The following XXYLT1 variants were observed in gnomAD, a reference collection of about 807,000 sequenced individuals.
XXYLT1 encodes UDP-xylose:alpha-xyloside alpha-1,3-xylosyltransferase.
Under a neutral mutation model 28.9 loss-of-function variants are expected in XXYLT1, and 20 were observed. That is an observed-to-expected ratio of 0.69 (90% confidence interval 0.49 to 1.00). The LOEUF (loss-of-function observed/expected upper bound fraction) is 1.00. Among genes scored for constraint, XXYLT1 ranks in the 50% least tolerant of loss-of-function variants. The pLI, the probability that XXYLT1 is intolerant of heterozygous loss-of-function variation, is 0.00. For missense variants in XXYLT1, 542 were observed against 560.1 expected, an observed-to-expected ratio of 0.97 and a Z score of 0.33; for synonymous variants, 257 against 253.8, an observed-to-expected ratio of 1.01 and a Z score of -0.12.
intron 3 of XXYLT1, among the ~76,000 whole-genome samples, chr3:195,107,077 C>T (rs1270442245): frequency 2.0e-5 from 3 of 152,172 alleles, no homozygotes; most frequent in African/African-American, 7.2e-5. Flanking sequence ...TGCCCTTTGC[C>T]TGGTGGAATG....
chr3:195,168,100 G>A lies in XXYLT1; in HGVS notation c.653-11519C>T, dbSNP rs73063110. ...TTTTAGGCAAGCGTGAGTAGGTAGG[G>A]CCCTGGGATAGAGCCGTGGCTCACC... is the stretch of plus-strand genomic sequence containing the variant. On this transcript the variant is annotated intron_variant, in intron 2 of 3. Coordinates refer to ENST00000310380, the MANE Select transcript of XXYLT1 (RefSeq NM_152531.5). The surrounding 1 kb of genome is among the most constrained non-coding windows in gnomAD (Gnocchi z 4.3). Among the ~76,000 whole-genome samples, 6,308 of 152,216 alleles carry A rather than the reference G, an allele frequency of 0.041. 445 individuals carry two copies. The highest frequency in any genetic ancestry group is 0.14 in the African/African-American group (5,997 of 41,498).
intron 1 of XXYLT1, among the ~76,000 whole-genome samples, chr3:195,248,627 T>C (rs886632550): frequency 1.3e-5 from 2 of 152,172 alleles, no homozygotes; most frequent in African/African-American, 2.4e-5. Flanking sequence ...TAAAATGCCC[T>C]TTTTCCTTGG....
Position 195,202,889 on chromosome 3 carries a change from AT to A in XXYLT1, c.652+23819del, listed in dbSNP as rs537359258. Among the ~76,000 whole-genome samples, 91 of 152,268 alleles carry A rather than the reference AT, an allele frequency of 6.0e-4. 1 individual carries two copies. In the South Asian group the frequency reaches 0.016, roughly 26 times the overall value. ...TTCACAATGTAGAAATCACAAGATA[AT>A]TTTTTTTAATAATCTTGGAATGAAG... is the stretch of plus-strand genomic sequence containing the variant. On this transcript the variant is annotated intron_variant, in intron 2 of 3. Transcript: ENST00000310380.
chr3:195,226,830 C>T lies in XXYLT1; in HGVS notation c.531G>A (p.Leu177=). The part of the protein sequence containing the change: ...CKVIFHDVAV[L]TDKLFPIVEA... ...CCACGATGGGGAAGAGCTTATCCGT[C>T]AGCACAGCAACATCGTGGAAGATGA... Residue 177 remains leucine, a synonymous_variant, in exon 2 of 4, where the codon CTG becomes CTA. Coordinates refer to ENST00000310380, the MANE Select transcript of XXYLT1 (RefSeq NM_152531.5). 6.2e-7 allele frequency: 1 copy of T among 1,613,738 alleles called. No homozygotes were observed. Among genetic ancestry groups the T allele is most frequent in the South Asian group, 1.1e-5 (1 of 91,054 alleles).
At chr3:195,170,872 G>A (rs143637782) in intron 2 of XXYLT1, among the ~76,000 whole-genome samples, 68 of 150,686 alleles carry the variant, frequency 4.5e-4, no homozygotes, top group African/African-American at 1.6e-3. Flanking sequence ...GTGAAACTCC[G>A]TCTTAACCAA....
chr3:195,252,721 C>CAGAGAGAGAGAGAG (rs1313681253), intron 1 of XXYLT1, among the ~76,000 whole-genome samples: 2 of 134,832 alleles, frequency 1.5e-5, no homozygotes, highest in African/African-American at 3.2e-5. Context: ...CACACACACA[C>CAGAGAGAGAGAGAG]ACACACAGAG....
chr3:195,111,069 G>C (rs541507640), intron 3 of XXYLT1, among the ~76,000 whole-genome samples: 6 of 152,044 alleles, frequency 3.9e-5, no homozygotes, highest in African/African-American at 1.2e-4. Context: ...ATCATGGGTC[G>C]GCAGGGCTGG....
chr3:195,220,547 G>C (rs1378356115), intron 2 of XXYLT1, among the ~76,000 whole-genome samples: 1 of 152,166 alleles, frequency 6.6e-6, no homozygotes. Context: ...TCTGCACTCA[G>C]CTCTGTCCGA....
At chr3:195,259,757 T>G in intron 1 of XXYLT1, 1 of 797,660 alleles carries the variant, frequency 1.3e-6, no homozygotes, top group Non-Finnish European at 1.5e-6. Flanking sequence ...TTTTGCCAAA[T>G]TCCCCACCGG....
In XXYLT1 at chr3:195,109,746, GGTAT is replaced by G. The variant is rs1339719040; in HGVS notation, c.786-39639_786-39636del. Among the ~76,000 whole-genome samples the G allele has an allele frequency of 8.0e-4, 18 of 22,440 alleles. 4 individuals carry two copies. Among genetic ancestry groups the G allele is most frequent in the African/African-American group, 1.7e-3 (18 of 10,578 alleles). 14.7% of individuals were successfully genotyped at this position (22,440 alleles called of 152,430 possible). ...TGCGTGTGTGTGGTGTATGTGTTCA[GGTAT>G]GTATGTGAGTGTGGGGCTGGGTGTG... On this transcript the variant is annotated intron_variant, in intron 3 of 3. Coordinates refer to ENST00000310380, the MANE Select transcript of XXYLT1 (RefSeq NM_152531.5).
intron 2 of XXYLT1, among the ~76,000 whole-genome samples, chr3:195,200,227 C>T (rs1448484785): frequency 6.6e-6 from 1 of 152,232 alleles, no homozygotes; most frequent in African/African-American, 2.4e-5. Context: ...AGCCGTGAAG[C>T]AGCGTGGCGA....
At chr3:195,153,489 T>C (rs58274034) in intron 3 of XXYLT1, among the ~76,000 whole-genome samples, 6,658 of 152,202 alleles carry the variant, frequency 0.044, 486 homozygotes, top group African/African-American at 0.15. Flanking sequence ...TAAGTCTCTG[T>C]TGATTTTTGA....
chr3:195,083,834 C>T (rs543819660), intron 3 of XXYLT1, among the ~76,000 whole-genome samples: 1 of 152,118 alleles, frequency 6.6e-6, no homozygotes, highest in Admixed American at 6.5e-5. Context: ...GAGACCAGCC[C>T]GGCCAACACA....
intron 3 of XXYLT1, among the ~76,000 whole-genome samples, chr3:195,099,817 C>T (rs553699513): frequency 2.5e-4 from 31 of 121,990 alleles, no homozygotes; most frequent in Non-Finnish European, 3.7e-4. Flanking sequence ...GGCGACACAG[C>T]GAGACTCTGT....
chr3:195,221,991 T>G (rs1274010593), intron 2 of XXYLT1, among the ~76,000 whole-genome samples: 1 of 152,106 alleles, frequency 6.6e-6, no homozygotes, highest in African/African-American at 2.4e-5. Flanking sequence ...ACCCCTTCGT[T>G]CTTCCTGAGG....
At chr3:195,109,745 A>G (rs1355071215) in intron 3 of XXYLT1, among the ~76,000 whole-genome samples, 1 of 44,164 alleles carries the variant, frequency 2.3e-5, no homozygotes, top group African/African-American at 6.9e-5. Flanking sequence ...GTATGTGTTC[A>G]GGTATGTATG....
intron 3 of XXYLT1, among the ~76,000 whole-genome samples, chr3:195,116,251 A>G (rs139030198): frequency 6.6e-6 from 1 of 152,316 alleles, no homozygotes; most frequent in Non-Finnish European, 1.5e-5. Context: ...CTGCAGCAAC[A>G]TTTCTGGGCA....
At chr3:195,264,960 G>A (rs1487813584) in intron 1 of XXYLT1, among the ~76,000 whole-genome samples, 1 of 152,100 alleles carries the variant, frequency 6.6e-6, no homozygotes, top group African/African-American at 2.4e-5. Context: ...AGGAGGCTAA[G>A]GCAGGAGGAT....
chr3:195,102,774 G>A (rs183706310), intron 3 of XXYLT1, among the ~76,000 whole-genome samples: 177 of 152,300 alleles, frequency 1.2e-3, no homozygotes, highest in South Asian at 3.7e-3. Flanking sequence ...CCGTGAGCAC[G>A]GGAGAGCAGT....
Sources: gnomAD v4.1 joint callset for allele counts (sites outside exome capture counted in the v4.1 genomes callset) on GRCh38, gnomAD v4.1.1 for gene constraint, Gnocchi (gnomAD v3.1) non-coding constraint, MANE v1.5 for transcripts, NCBI Gene and HGNC (gene_info 2026-07-23, HGNC 2026-07-21) for gene names.